Variants in ATP2B1 observed in about 807,000 individuals in gnomAD.
The protein encoded by ATP2B1 is plasma membrane calcium-transporting ATPase 1.
A neutral mutation model predicts 124.2 loss-of-function variants in ATP2B1; 14 were observed. That is an observed-to-expected ratio of 0.11 (90% CI 0.07 to 0.18). The LOEUF is 0.18. Among genes scored for constraint, ATP2B1 ranks in the 10% least tolerant of loss-of-function variants. The pLI is 1.00. For synonymous variants in ATP2B1, 449 were observed against 492.4 expected, an observed-to-expected ratio of 0.91 and a Z score of 1.17; for missense variants, 763 against 1,466.1, an observed-to-expected ratio of 0.52 and a Z score of 7.83.
At chr12:89,698,720 G>C (rs1450903948) in intron 1 of ATP2B1, among the ~76,000 whole-genome samples, 1 of 152,166 alleles carries the variant, frequency 6.6e-6, no homozygotes, top group African/African-American at 2.4e-5. Context: ...TTCACAGTAG[G>C]GTGAGCTGAC....
intron 12 of ATP2B1, among the ~76,000 whole-genome samples, chr12:89,615,432 G>A (rs1024518074): frequency 6.6e-6 from 1 of 151,950 alleles, no homozygotes; most frequent in African/African-American, 2.4e-5. Context: ...TTTTTCACTT[G>A]ACATGGTGTC....
At chr12:89,646,980 C>G (rs1884542209) in intron 2 of ATP2B1, among the ~76,000 whole-genome samples, 1 of 152,118 alleles carries the variant, frequency 6.6e-6, no homozygotes, top group African/African-American at 2.4e-5. Flanking sequence ...CAATTCAGGG[C>G]TGCAATGTTT....
chr12:89,655,502 ATG>A (rs1406484936), intron 2 of ATP2B1, 175 bp downstream of exon 2: 3 of 628,076 alleles, frequency 4.8e-6, no homozygotes, highest in African/African-American at 1.8e-5. Flanking sequence ...TGCAACATTT[ATG>A]TGTTAATATA....
At chr12:89,617,713 C>A (rs775066143) in intron 11 of ATP2B1, among the ~76,000 whole-genome samples, 1 of 152,058 alleles carries the variant, frequency 6.6e-6, no homozygotes, top group East Asian at 1.9e-4. Flanking sequence ...GGAGGTAATT[C>A]CCAAATCCAC....
At chr12:89,699,474 A>G (rs1015304737) in intron 1 of ATP2B1, among the ~76,000 whole-genome samples, 4 of 152,224 alleles carry the variant, frequency 2.6e-5, no homozygotes, top group South Asian at 2.1e-4. Flanking sequence ...CTAACAGAAT[A>G]AAGAAATAAA....
At chr12:89,596,001 G>GA (rs1221187784) in intron 20 of ATP2B1, among the ~76,000 whole-genome samples, 1 of 151,986 alleles carries the variant, frequency 6.6e-6, no homozygotes, top group African/African-American at 2.4e-5. Context: ...CTGTGCATCA[G>GA]AAAAAAGAGC....
At position 89,590,877 on chromosome 12, in the gene ATP2B1, G is replaced by A; in HGVS notation, c.*107C>T. On this transcript the variant is annotated 3_prime_UTR_variant, in exon 21 of 21. Coordinates refer to ENST00000428670, the MANE Select transcript of ATP2B1 (RefSeq NM_001366521.1). ...CATTCGTACAAGTGTGTCTTCTGTT[G>A]AAGTCCAAAGACAAGAATACTAGCT... The A allele has an allele frequency of 9.5e-7, 1 of 1,051,270 alleles. No individual in the cohort carries two copies. Among genetic ancestry groups the A allele is most frequent in the Non-Finnish European group, 1.4e-6 (1 of 724,776 alleles). 65.1% of individuals were successfully genotyped at this position (1,051,270 alleles called of 1,614,324 possible).
chr12:89,639,252 T>C (rs1212267745), intron 3 of ATP2B1, among the ~76,000 whole-genome samples: 4 of 152,146 alleles, frequency 2.6e-5, no homozygotes, highest in African/African-American at 9.7e-5. Flanking sequence ...GCCTGTAATC[T>C]GAGCACTTTG....
chr12:89,598,544 T>C (rs1450060453), intron 20 of ATP2B1: 1 of 1,565,648 alleles, frequency 6.4e-7, no homozygotes, highest in Non-Finnish European at 8.7e-7. Flanking sequence ...GTTAGGTGTG[T>C]GAAGTAGGAA....
Position 89,661,239 on chromosome 12 carries a change from C to T in ATP2B1, c.-221-5132G>A, listed in dbSNP as rs142661319. On this transcript the variant is annotated intron_variant, in intron 1 of 20. Transcript: ENST00000428670. Reference sequence around the variant, plus strand: ...CGGACCCAAATATACTAATATGATACCTTAATCAGAGTAATTACTGATTTT... The same window carrying T: ...CGGACCCAAATATACTAATATGATATCTTAATCAGAGTAATTACTGATTTT... Among the ~76,000 whole-genome samples the T allele has an allele frequency of 2.3e-3, 349 of 152,144 alleles. 2 individuals are homozygous for T. The highest frequency in any genetic ancestry group is 8.0e-3 in the African/African-American group (334 of 41,494).
Position 89,624,225 on chromosome 12 carries a change from A to C in ATP2B1, c.1302T>G (p.Gly434=), listed in dbSNP as rs1565833303. The C allele has an allele frequency of 6.2e-7, 1 of 1,614,166 alleles. No homozygotes were observed. Among genetic ancestry groups the C allele is most frequent in the Non-Finnish European group, 8.5e-7 (1 of 1,180,032 alleles). Residue 434 remains glycine (G), a synonymous_variant, in exon 9 of 21, where the codon GGT becomes GGG. Transcript: ENST00000428670. ...VTVLVVAVPE[G]LPLAVTISLA... is the part of the protein sequence containing the mutation. ...GTGAGATCGTGACTGCAAGTGGAAG[A>C]CCTTCTGGCACTGCGACCACTAAAA...
At chr12:89,653,661 T>C (rs1201964584) in intron 2 of ATP2B1, among the ~76,000 whole-genome samples, 1 of 152,224 alleles carries the variant, frequency 6.6e-6, no homozygotes, top group African/African-American at 2.4e-5. Flanking sequence ...CAACATACTG[T>C]CAAAAGGGTA....
chr12:89,687,410 T>C (rs906757498), intron 1 of ATP2B1, among the ~76,000 whole-genome samples: 4 of 152,084 alleles, frequency 2.6e-5, no homozygotes, highest in African/African-American at 4.8e-5. Flanking sequence ...ACTGTGTGAA[T>C]TTGCACAATA....
intron 2 of ATP2B1, among the ~76,000 whole-genome samples, chr12:89,643,860 C>T (rs1355230235): frequency 1.3e-5 from 2 of 152,172 alleles, no homozygotes; most frequent in African/African-American, 4.8e-5. Flanking sequence ...GAGGCCAAGG[C>T]AGGCAGATCA....
At chr12:89,663,640 C>CA (rs1398163257) in intron 1 of ATP2B1, among the ~76,000 whole-genome samples, 1 of 152,170 alleles carries the variant, frequency 6.6e-6, no homozygotes, top group Non-Finnish European at 1.5e-5. Context: ...CACTATCTCC[C>CA]ACTCATAAAT....
At chr12:89,692,531 G>T (rs1890669902) in intron 1 of ATP2B1, among the ~76,000 whole-genome samples, 1 of 152,128 alleles carries the variant, frequency 6.6e-6, no homozygotes, top group East Asian at 1.9e-4. Flanking sequence ...GCAGATCAGA[G>T]AAATGAATTA....
chr12:89,619,268 A>G (rs548096345), intron 11 of ATP2B1, among the ~76,000 whole-genome samples: 95 of 152,318 alleles, frequency 6.2e-4, no homozygotes, highest in South Asian at 5.8e-3. Flanking sequence ...AAATTACTTC[A>G]TAATTCTCTT....
intron 5 of ATP2B1, among the ~76,000 whole-genome samples, chr12:89,631,740 T>A (rs897152291): frequency 2.6e-5 from 4 of 152,074 alleles, no homozygotes; most frequent in African/African-American, 9.7e-5. Flanking sequence ...AAATTCTATG[T>A]CCCGCAAAAC....
chr12:89,641,141 T>G (rs1385907503), intron 3 of ATP2B1, among the ~76,000 whole-genome samples: 2 of 152,174 alleles, frequency 1.3e-5, no homozygotes, highest in Non-Finnish European at 2.9e-5. Flanking sequence ...TTAAATATAG[T>G]AACCAAAATG....
Sources: allele counts gnomAD v4.1 joint callset (sites outside exome capture counted in the v4.1 genomes callset), GRCh38; gene constraint gnomAD v4.1.1; transcripts MANE v1.5; gene names NCBI Gene and HGNC (gene_info 2026-07-23, HGNC 2026-07-21).